Variants in CD72 observed in about 807,000 individuals in gnomAD.
The protein encoded by CD72 is B-cell differentiation antigen CD72.
Under a neutral mutation model 50.7 loss-of-function variants are expected in CD72, and 28 were observed. The ratio of observed to expected loss-of-function variants is 0.55; its 90% CI spans 0.41 to 0.76. CD72 has a LOEUF of 0.76. CD72 is among the 30% of genes least tolerant of loss of function. The probability of loss-of-function intolerance (pLI) is 0.00; values close to 1 mark genes in which losing one functional copy is unlikely to be tolerated. For missense variants in CD72, 403 were observed against 420.6 expected (o/e 0.96, Z 0.37); for synonymous variants, 176 against 171.2 (o/e 1.03, Z -0.22).
rs1185481825 is a variant in CD72, at chr9:35,617,221, A to G, written c.217T>C (p.Ser73Pro). Reference sequence around the variant, plus strand: ...GCTGGTGACGTCACGGCTCTCCAGGACGCAGTTGGCTGCTCCGACTTGACC... The same window carrying G: ...GCTGGTGACGTCACGGCTCTCCAGGGCGCAGTTGGCTGCTCCGACTTGACC... The part of the protein sequence containing the change: ...AAVKSEQPTA[S>P]WRAVTSPAVG... Residue 73 changes from serine to proline, a missense_variant, in exon 3 of 9, where the codon TCC becomes CCC. Physicochemically the swap from Ser to Pro is moderately conservative, Grantham distance 74 (BLOSUM62 -1). Coordinates refer to ENST00000259633, the MANE Select transcript of CD72 (RefSeq NM_001782.3). 2 of 1,567,186 alleles carry G rather than the reference A, an allele frequency of 1.3e-6. No individual in the cohort carries two copies. Among genetic ancestry groups the G allele is most frequent in the African/African-American group, 1.4e-5 (1 of 73,670 alleles).
upstream of CD72, among the ~76,000 whole-genome samples, chr9:35,621,124 G>A (rs972975946): frequency 1.3e-5 from 2 of 152,216 alleles, no homozygotes; most frequent in African/African-American, 4.8e-5. Flanking sequence ...GTAACTCCAA[G>A]CTGTACCTCT....
At chr9:35,640,669 G>A (rs571725028) in intron 1 of CD72, among the ~76,000 whole-genome samples, 1 of 152,206 alleles carries the variant, frequency 6.6e-6, no homozygotes, top group Non-Finnish European at 1.5e-5. Flanking sequence ...GGGAGTCAGC[G>A]GCAGGTCTGC....
rs1823062728 is a variant in CD72 at position 35,616,237 on chromosome 9, G to A, written c.394C>T (p.Leu132=). Residue 132 remains leucine, a synonymous_variant, in exon 5 of 9, where the codon CTG becomes TTG. Transcript: ENST00000259633. ...CTCAGGCTGCTGTTAGTGACTTCCA[G>A]AACCCTGTTCGTCTGCTGGAGCTGC... ...SQQLQQTNRV[L]EVTNSSLRQQ... is the part of the protein sequence containing the mutation. 2.5e-6 allele frequency: 4 copies of A among 1,614,098 alleles called. No homozygotes were observed. The highest frequency in any genetic ancestry group is 1.7e-6 in the Non-Finnish European group (2 of 1,180,008).
rs187094213 is a variant in CD72 at position 35,632,391 on chromosome 9, T to G, written n.408+14012A>C. On this transcript the variant is annotated intron_variant and non_coding_transcript_variant, in intron 1 of 3. Coordinates refer to the CD72 transcript ENST00000465754. ...TTCACCGTGTTAGCCAGGATGGTCTTGACCTCCTGACCTCGTGATGCGCCC... is the reference window on the plus strand; with the variant it reads ...TTCACCGTGTTAGCCAGGATGGTCTGGACCTCCTGACCTCGTGATGCGCCC... Among the ~76,000 whole-genome samples, 119 of 152,092 alleles carry G rather than the reference T, an allele frequency of 7.8e-4. 1 individual carries two copies. The East Asian group carries it at 0.016, about 21-fold the overall frequency.
intron 1 of CD72, among the ~76,000 whole-genome samples, chr9:35,632,794 T>G (rs1036412162): frequency 2.0e-5 from 3 of 151,354 alleles, no homozygotes; most frequent in Non-Finnish European, 4.4e-5. Flanking sequence ...GCCAGGCTGG[T>G]CTCAAACTCC....
chr9:35,618,236 C>G lies in CD72; in HGVS notation c.68G>C (p.Ser23Thr). The change falls in exon 1 of 9, where the codon AGC becomes ACC. Residue 23 changes from serine (S) to threonine (T), a missense_variant. By Grantham distance (58) the Ser-to-Thr change is moderately conservative. Transcript: ENST00000259633. ...ATCCCCCTTACCCTGTCCTAACCGG[C>G]TGGAGATGCTCTTCTTCAGGGGAGC... is the stretch of plus-strand genomic sequence containing the variant. Reference protein sequence around the residue: ...VKAPLKKSISSRLGQDPGADD... With the variant: ...VKAPLKKSISTRLGQDPGADD... 6.2e-7 allele frequency: 1 copy of G among 1,614,152 alleles called. No individual in the cohort carries two copies. Among genetic ancestry groups the G allele is most frequent in the East Asian group, 2.2e-5 (1 of 44,870 alleles).
chr9:35,611,652 T>C, intron 7 of CD72, 152 bp downstream of exon 7: 2 of 581,720 alleles, frequency 3.4e-6, no homozygotes, highest in Middle Eastern at 3.3e-4. Flanking sequence ...TAAGAAGTTA[T>C]TAATCAAATA....
chr9:35,617,874 T>C (rs894440297), intron 2 of CD72, 140 bp downstream of exon 2: 38 of 692,970 alleles, frequency 5.5e-5, no homozygotes, highest in South Asian at 2.3e-4. Context: ...GAGGCTGCAG[T>C]GAGCCATGAT....
intron 5 of CD72, among the ~76,000 whole-genome samples, chr9:35,614,256 T>C (rs1391419486): frequency 2.6e-5 from 4 of 152,258 alleles, no homozygotes; most frequent in Non-Finnish European, 5.9e-5. Context: ...TAACTGTTTA[T>C]GTAATCAATT....
At chr9:35,612,795 T>C in intron 6 of CD72, 53 bp downstream of exon 6, 2 of 1,556,190 alleles carry the variant, frequency 1.3e-6, no homozygotes, top group Middle Eastern at 3.4e-4. Flanking sequence ...TGATGACATA[T>C]GTCCCTTTAC....
chr9:35,623,982 C>T (rs899142583), upstream of CD72, among the ~76,000 whole-genome samples: 6 of 151,792 alleles, frequency 4.0e-5, no homozygotes, highest in African/African-American at 1.5e-4. Flanking sequence ...GTAATCCCAG[C>T]ACTTTGGGAG....
chr9:35,623,898 A>G (rs1823169050), upstream of CD72, among the ~76,000 whole-genome samples: 1 of 151,812 alleles, frequency 6.6e-6, no homozygotes, highest in South Asian at 2.1e-4. Context: ...TGGGTGACAG[A>G]GCAAGACTCC....
chr9:35,610,502 C>T lies in CD72; in HGVS notation c.*22+100G>A, dbSNP rs1233283259. The T allele has an allele frequency of 4.4e-6, 3 of 675,934 alleles. No individual in the cohort carries two copies. The African/African-American group carries it at 6.0e-5, about 13-fold the overall frequency. The allele number at this position is 675,934 out of a possible 1,614,324, so 41.9% of individuals were successfully genotyped here. ...TGTGGAGGAACTTTCATCCCAGGTA[C>T]AAGTTTTCTCTCGGGCCCCTGGGCC... On this transcript the variant is annotated intron_variant, in intron 8 of 8. Transcript: ENST00000259633.
chr9:35,618,467 C>T, upstream of CD72: 1 of 1,498,294 alleles, frequency 6.7e-7, no homozygotes, highest in Non-Finnish European at 9.0e-7. Context: ...AAGGTGTTAG[C>T]AAGTCTCAAA....
chr9:35,640,571 G>C (rs1041531183), intron 1 of CD72, among the ~76,000 whole-genome samples: 4 of 152,256 alleles, frequency 2.6e-5, no homozygotes, highest in Admixed American at 2.6e-4. Flanking sequence ...CCTTTAGCAC[G>C]ATCGGGAGTG....
At chr9:35,639,350 T>C (rs769039274) in intron 1 of CD72, among the ~76,000 whole-genome samples, 2 of 152,220 alleles carry the variant, frequency 1.3e-5, no homozygotes, top group Non-Finnish European at 2.9e-5. Flanking sequence ...ACATTGTTAT[T>C]TGTACGTGGT....
At chr9:35,611,265 G>A (rs1822979714) in intron 7 of CD72, among the ~76,000 whole-genome samples, 1 of 151,204 alleles carries the variant, frequency 6.6e-6, no homozygotes, top group African/African-American at 2.4e-5. Context: ...AAAAAAAAAA[G>A]ATGGGAAGGC....
intron 1 of CD72, among the ~76,000 whole-genome samples, chr9:35,646,030 G>T (rs1180849897): frequency 6.6e-6 from 1 of 151,744 alleles, no homozygotes; most frequent in African/African-American, 2.4e-5. Context: ...AGTGTTGGCG[G>T]GCGTCTGTAT....
At chr9:35,616,537 T>C in intron 4 of CD72, 63 bp downstream of exon 4, 2 of 1,303,652 alleles carry the variant, frequency 1.5e-6, no homozygotes, top group Non-Finnish European at 1.1e-6. Context: ...AGATCAGCTT[T>C]GGGGCGAGAG....
Sources: gnomAD v4.1 joint callset for allele counts (sites outside exome capture counted in the v4.1 genomes callset) on GRCh38, gnomAD v4.1.1 for gene constraint, MANE v1.5 for transcripts, NCBI Gene and HGNC (gene_info 2026-07-23, HGNC 2026-07-21) for gene names.